POC1B: variants seen among roughly 807,000 people sequenced by gnomAD.
The protein encoded by POC1B is POC1 centriolar protein homolog B.
POC1B carries 44 observed loss-of-function variants against 60.6 expected under a neutral mutation model. That is an observed-to-expected ratio of 0.73 (90% CI 0.57 to 0.93). POC1B has a LOEUF of 0.93. POC1B is among the 40% of genes least tolerant of loss of function. The pLI is 0.00. For missense variants in POC1B, 555 were observed against 572.3 expected (o/e 0.97, Z 0.31); for synonymous variants, 180 against 198.9 (o/e 0.90, Z 0.80).
At chr12:89,475,117 T>C (rs1039879273) in intron 4 of POC1B, among the ~76,000 whole-genome samples, 1 of 152,016 alleles carries the variant, frequency 6.6e-6, no homozygotes, top group Non-Finnish European at 1.5e-5. Context: ...TAGAAAGTGA[T>C]AGGAAAAAGG....
At chr12:89,412,976 G>A in the POC1B span, among the ~76,000 whole-genome samples, 2 of 146,786 alleles carry the variant, frequency 1.4e-5, no homozygotes, top group Non-Finnish European at 3.0e-5. Flanking sequence ...TCGGCTCACT[G>A]CAGCCTCCGC....
chr12:89,491,861 T>A, intron 4 of POC1B, 75 bp downstream of exon 4: 1 of 1,287,966 alleles, frequency 7.8e-7, no homozygotes, highest in Non-Finnish European at 1.0e-6. Context: ...CTCAAACCCT[T>A]TTTCTGGAAG....
intron 4 of POC1B, among the ~76,000 whole-genome samples, chr12:89,491,659 A>C (rs1323469653): frequency 6.6e-6 from 1 of 151,252 alleles, no homozygotes; most frequent in African/African-American, 2.4e-5. Flanking sequence ...AAAGAAAAAA[A>C]AATTACGCGC....
chr12:89,471,028 CA>C (rs2120847439), intron 6 of POC1B, among the ~76,000 whole-genome samples: 1 of 152,248 alleles, frequency 6.6e-6, no homozygotes, highest in East Asian at 1.9e-4. Context: ...ATTCTTTGAG[CA>C]AGTTAATTAC....
intron 4 of POC1B, 26 bp from the exon 5 acceptor site, chr12:89,472,301 T>C: frequency 6.7e-7 from 1 of 1,487,728 alleles, no homozygotes; most frequent in East Asian, 2.3e-5. Context: ...AAGAAGATGT[T>C]TTATGTGAAA....
At chr12:89,522,472 A>G in intron 2 of POC1B, 1 of 350,830 alleles carries the variant, frequency 2.9e-6, no homozygotes, top group Admixed American at 4.7e-5. Context: ...CATAAATCAT[A>G]CCTCATTTTA....
intron 4 of POC1B, among the ~76,000 whole-genome samples, chr12:89,481,726 G>T (rs1868369863): frequency 6.6e-6 from 1 of 152,146 alleles, no homozygotes; most frequent in African/African-American, 2.4e-5. Flanking sequence ...AACAAGGCTT[G>T]GCAGAGAACA....
the POC1B span, among the ~76,000 whole-genome samples, chr12:89,402,957 C>T: frequency 1.4e-4 from 21 of 151,068 alleles, no homozygotes; most frequent in South Asian, 8.4e-4. Context: ...GCCTCTGCCT[C>T]GCACAGTGCT....
intron 10 of POC1B, among the ~76,000 whole-genome samples, chr12:89,453,201 T>C (rs1170811775): frequency 6.6e-6 from 1 of 152,236 alleles, no homozygotes; most frequent in East Asian, 1.9e-4. Context: ...TTTTAAATTG[T>C]TTCTCAAACC....
downstream of POC1B, among the ~76,000 whole-genome samples, chr12:89,417,003 G>C (rs946458804): frequency 6.6e-6 from 1 of 152,104 alleles, no homozygotes; most frequent in Non-Finnish European, 1.5e-5. Context: ...TTTCCACATA[G>C]TAGTTTTTAA....
chr12:89,405,147 G>C, the POC1B span, among the ~76,000 whole-genome samples: 3 of 152,134 alleles, frequency 2.0e-5, no homozygotes, highest in African/African-American at 7.2e-5. Flanking sequence ...AGGATTGTCA[G>C]AACCAAACTT....
chr12:89,476,751 TAGATAGATAGAC>T (rs57471650), intron 4 of POC1B, among the ~76,000 whole-genome samples: 24,832 of 103,154 alleles, frequency 0.24, 2,395 homozygotes, highest in Non-Finnish European at 0.28. Context: ...GATAGATAGA[TAGATAGATAGAC>T]AGACAGACAG....
the POC1B span, among the ~76,000 whole-genome samples, chr12:89,410,749 T>C: frequency 6.6e-6 from 1 of 150,568 alleles, no homozygotes; most frequent in African/African-American, 2.4e-5. Flanking sequence ...CTATTCAACA[T>C]AGTATTGGAA....
the POC1B span, among the ~76,000 whole-genome samples, chr12:89,408,151 G>T: frequency 1.3e-5 from 2 of 152,142 alleles, no homozygotes; most frequent in African/African-American, 4.8e-5. Flanking sequence ...CTTTTTTAGG[G>T]CTGCATAGTA....
At chr12:89,523,080 T>G (rs1053219631) in intron 2 of POC1B, 2 of 1,613,776 alleles carry the variant, frequency 1.2e-6, no homozygotes, top group African/African-American at 2.7e-5. Context: ...TTTCTTTGTT[T>G]GAAGTATATT....
chr12:89,422,372 T>C (rs1251415600), intron 11 of POC1B, among the ~76,000 whole-genome samples: 1 of 152,248 alleles, frequency 6.6e-6, no homozygotes, highest in African/African-American at 2.4e-5. Context: ...AAGTCTCTCT[T>C]AATCTACAGG....
the POC1B span, among the ~76,000 whole-genome samples, chr12:89,408,317 T>C: frequency 6.6e-6 from 1 of 152,212 alleles, no homozygotes; most frequent in Admixed American, 6.5e-5. Flanking sequence ...TGTGGGTATA[T>C]ACCCAGTAAT....
intron 4 of POC1B, among the ~76,000 whole-genome samples, chr12:89,476,541 C>T (rs1217169243): frequency 6.6e-6 from 1 of 152,062 alleles, no homozygotes; most frequent in Non-Finnish European, 1.5e-5. Flanking sequence ...ATCCCCATCT[C>T]TGCTAAAAAT....
At chr12:89,491,907 C>A (rs746604353) in intron 4 of POC1B, 29 bp downstream of exon 4, 1 of 1,444,338 alleles carries the variant, frequency 6.9e-7, no homozygotes, top group Non-Finnish European at 9.2e-7. Context: ...AATATGTGGA[C>A]ATCTTAATAT....
Sources: allele counts gnomAD v4.1 joint callset (sites outside exome capture counted in the v4.1 genomes callset), GRCh38; gene constraint gnomAD v4.1.1; transcripts MANE v1.5; gene names NCBI Gene and HGNC (gene_info 2026-07-23, HGNC 2026-07-21).